Variants in MRPL55 observed in about 807,000 individuals in gnomAD.
MRPL55 encodes the protein large ribosomal subunit protein mL55.
Under a neutral mutation model 10.6 loss-of-function variants are expected in MRPL55, and 7 were observed. The ratio of observed to expected loss-of-function variants is 0.66; its 90% CI spans 0.38 to 1.24. The LOEUF (loss-of-function observed/expected upper bound fraction) is 1.24, where lower values mean the gene tolerates loss of function less well. MRPL55 is among the 50% of genes most tolerant of loss of function. MRPL55 has a pLI of 0.02. For synonymous variants in MRPL55, 57 were observed against 71.8 expected, an observed-to-expected ratio of 0.79 and a Z score of 1.04; for missense variants, 148 against 180.3, an observed-to-expected ratio of 0.82 and a Z score of 1.03.
At chr1:228,108,493 A>C in intron 2 of MRPL55, 175 bp from the exon 3 acceptor site, 2 of 544,918 alleles carry the variant, frequency 3.7e-6, no homozygotes, top group Non-Finnish European at 6.5e-6. Flanking sequence ...GTTTTTCCAA[A>C]AGCAGAAGTT....
At chr1:228,107,489 G>A (rs1346242733) in intron 4 of MRPL55, among the ~76,000 whole-genome samples, 179 bp downstream of exon 4, 1 of 152,212 alleles carries the variant, frequency 6.6e-6, no homozygotes, top group Non-Finnish European at 1.5e-5. Flanking sequence ...GGTGCTTAGA[G>A]TCAGTTTTGG....
At position 228,109,281 on chromosome 1, in the gene MRPL55, T is replaced by G. The variant is rs544364117; in HGVS notation, c.-258A>C. 2.6e-5 allele frequency: 4 copies of G among 152,802 alleles called. No individual in the cohort carries two copies. The highest frequency in any genetic ancestry group is 4.8e-5 in the African/African-American group (2 of 41,602). 9.5% of individuals were successfully genotyped at this position (152,802 alleles called of 1,614,324 possible). On this transcript the variant is annotated 5_prime_UTR_variant, in exon 1 of 5. Coordinates refer to ENST00000336520, the MANE Select transcript of MRPL55 (RefSeq NM_181463.3). ...CTCACTGCGTTGGGTGCTGCTGCGC[T>G]GCAGCCCACGACGTCACTGGCAGGC...
intron 4 of MRPL55, 111 bp downstream of exon 4, chr1:228,107,556 TG>T: frequency 1.0e-6 from 1 of 969,500 alleles, no homozygotes; most frequent in Non-Finnish European, 1.6e-6. Context: ...TCCTGTCATG[TG>T]GTACAGTGAC....
At chr1:228,108,447 C>T (rs1027882332) in intron 2 of MRPL55, 129 bp from the exon 3 acceptor site, 1 of 646,296 alleles carries the variant, frequency 1.5e-6, no homozygotes, top group Admixed American at 3.1e-5. Flanking sequence ...CAACCTCTCC[C>T]AGCAACCCTT....
rs1205704049 is a variant in MRPL55, at chr1:228,107,765, T to C, written c.131A>G (p.His44Arg). 6.2e-7 allele frequency: 1 copy of C among 1,613,244 alleles called. No individual in the cohort carries two copies. Among genetic ancestry groups the C allele is most frequent in the Non-Finnish European group, 8.5e-7 (1 of 1,180,012 alleles). Residue 44 changes from histidine to arginine, a missense_variant, in exon 4 of 5, where the codon CAC (histidine) becomes CGC (arginine). His to Arg is a conservative substitution (Grantham distance 29). Transcript: ENST00000336520. ...GTAGAGTCGTGCATAAGCCTGGCGG[T>C]GCACACGAGTGAGTGAGGCCCTGCT... is the stretch of plus-strand genomic sequence containing the variant. ...DSSRASLTRV[H>R]RQAYARLYPV...
In MRPL55 at chr1:228,107,814, T is replaced by C. The variant is rs1311109639; in HGVS notation, c.82A>G (p.Thr28Ala). Reference sequence around the variant, plus strand: ...CTGCTGTCAGCTCGCCAGGAGGATGTGTGCAGGCGGCGGAGTGCAGGTCCG... The same window carrying C: ...CTGCTGTCAGCTCGCCAGGAGGATGCGTGCAGGCGGCGGAGTGCAGGTCCG... ...ATGPALRRLH[T>A]SSWRADSSRA... Residue 28 changes from threonine to alanine, a missense_variant, in exon 4 of 5, where the codon ACA becomes GCA. Coordinates refer to ENST00000336520, the MANE Select transcript of MRPL55 (RefSeq NM_181463.3). 6.2e-7 allele frequency: 1 copy of C among 1,613,238 alleles called. No homozygotes were observed.
chr1:228,107,627 C>T (rs2124881976), intron 4 of MRPL55, 41 bp downstream of exon 4: 3 of 1,600,444 alleles, frequency 1.9e-6, no homozygotes, highest in South Asian at 1.1e-5. Context: ...CAGCCTCGAC[C>T]CCAGCCCGGC....
intron 4 of MRPL55, 52 bp downstream of exon 4, chr1:228,107,616 A>G (rs1394668304): frequency 6.4e-7 from 1 of 1,569,416 alleles, no homozygotes; most frequent in Non-Finnish European, 8.7e-7. Context: ...CACCCCCACC[A>G]CAGCCTCGAC....
chr1:228,108,208 C>T (rs1435815229), intron 3 of MRPL55, 27 bp downstream of exon 3: 1 of 1,607,604 alleles, frequency 6.2e-7, no homozygotes, highest in Admixed American at 1.7e-5. Context: ...GACAGTAATC[C>T]CCAGGGACCT....
intron 3 of MRPL55, 170 bp from the exon 4 acceptor site, chr1:228,108,039 G>C: frequency 6.5e-7 from 1 of 1,543,850 alleles, no homozygotes; most frequent in Non-Finnish European, 8.8e-7. Context: ...GCCACAGGCT[G>C]TGGTCAGAGG....
intron 3 of MRPL55, 126 bp downstream of exon 3, chr1:228,108,109 G>A (rs555606252): frequency 3.3e-6 from 5 of 1,531,922 alleles, no homozygotes; most frequent in Non-Finnish European, 4.4e-6. Context: ...AAAGCTTCCA[G>A]CACAGGGGAC....
rs769524052 is a variant in MRPL55, at chr1:228,107,899, C to T, written c.27-30G>A. ...AGATAAATGTTCAAGCTCTGGTCAG[C>T]CGACAGTGCTGCAGCAGAGTGCCAA... On this transcript the variant is annotated intron_variant, in intron 3 of 4. Coordinates refer to ENST00000336520, the MANE Select transcript of MRPL55 (RefSeq NM_181463.3). The T allele has an allele frequency of 9.9e-6, 16 of 1,611,094 alleles. No individual in the cohort carries two copies. The East Asian group carries it at 3.1e-4, about 31-fold the overall frequency.
At chr1:228,106,954 C>T (rs755882785) in intron 4 of MRPL55, 36 bp from the exon 5 acceptor site, 9 of 1,587,996 alleles carry the variant, frequency 5.7e-6, no homozygotes, top group South Asian at 1.1e-5. Flanking sequence ...CCATGTGGAT[C>T]GAGGGACCTT....
chr1:228,107,026 A>C, intron 4 of MRPL55, 108 bp from the exon 5 acceptor site: 2 of 787,158 alleles, frequency 2.5e-6, no homozygotes, highest in South Asian at 3.8e-5. Flanking sequence ...ATCCTATGCT[A>C]GCTTAATTTT....
chr1:228,108,057 G>T, intron 3 of MRPL55, 178 bp downstream of exon 3: 3 of 1,541,210 alleles, frequency 1.9e-6, no homozygotes, highest in East Asian at 4.9e-5. Flanking sequence ...AGGCGTTCTG[G>T]CCCCCTAGCC....
chr1:228,108,670 G>A (rs1030870940), intron 2 of MRPL55: 2 of 215,832 alleles, frequency 9.3e-6, no homozygotes, highest in African/African-American at 4.6e-5. Flanking sequence ...TAAAAACTCA[G>A]TGAAGTGAGG....
chr1:228,106,742 G>A lies in MRPL55; in HGVS notation c.*18C>T, dbSNP rs774948570. ...GCCCTCCCATCTTAGCAATGTCCCG[G>A]GGTGGCTGGAGCCACGGTCACTTCT... is the stretch of plus-strand genomic sequence containing the variant. On this transcript the variant is annotated 3_prime_UTR_variant, in exon 5 of 5. Coordinates refer to ENST00000336520, the MANE Select transcript of MRPL55 (RefSeq NM_181463.3). The A allele has an allele frequency of 7.5e-6, 12 of 1,602,714 alleles. No individual in the cohort carries two copies. Among genetic ancestry groups the A allele is most frequent in the Admixed American group, 1.7e-5 (1 of 59,278 alleles).
intron 3 of MRPL55, 49 bp downstream of exon 3, chr1:228,108,186 G>A (rs753734434): frequency 6.5e-5 from 103 of 1,591,940 alleles, no homozygotes; most frequent in Non-Finnish European, 8.6e-5. Context: ...GGGGTTCCCT[G>A]GGGTGGCCCC....
At chr1:228,107,073 A>G (rs935369357) in intron 4 of MRPL55, among the ~76,000 whole-genome samples, 155 bp from the exon 5 acceptor site, 1 of 152,196 alleles carries the variant, frequency 6.6e-6, no homozygotes, top group African/African-American at 2.4e-5. Context: ...CAAAGCTTTC[A>G]ATCTTTAAAA....
Sources: gnomAD v4.1 joint callset for allele counts (sites outside exome capture counted in the v4.1 genomes callset) on GRCh38, gnomAD v4.1.1 for gene constraint, MANE v1.5 for transcripts, NCBI Gene and HGNC (gene_info 2026-07-23, HGNC 2026-07-21) for gene names.